The following GRIK2 variants were observed in gnomAD, a reference collection of about 807,000 sequenced individuals.
GRIK2 encodes the protein glutamate ionotropic receptor kainate type subunit 2, also known as glutamate receptor ionotropic, kainate 2.
In GRIK2, 32 loss-of-function variants were observed where a neutral mutation model predicts 100.3. The observed-to-expected ratio is 0.32, with a 90% CI of 0.24 to 0.43. The LOEUF is 0.43. Among genes scored for constraint, GRIK2 ranks in the 20% least tolerant of loss-of-function variants. GRIK2 has a pLI of 1.00. For missense variants in GRIK2, 843 were observed against 1,114.9 expected (o/e 0.76, Z 3.47); for synonymous variants, 417 against 389.4 (o/e 1.07, Z -0.83).
chr6:101,608,813 G>T (rs961413450), intron 2 of GRIK2, among the ~76,000 whole-genome samples: 4 of 110,580 alleles, frequency 3.6e-5, no homozygotes, highest in African/African-American at 9.7e-5. Context: ...GTGTGTGTGT[G>T]TATGTATGTA....
intron 7 of GRIK2, among the ~76,000 whole-genome samples, chr6:101,789,147 T>G (rs1038965395): frequency 7.9e-5 from 12 of 152,278 alleles, no homozygotes; most frequent in Middle Eastern, 3.4e-3. Context: ...TTTCTCCCAT[T>G]TTGTAGGTTG....
intron 12 of GRIK2, among the ~76,000 whole-genome samples, chr6:101,901,559 T>C (rs1367082122): frequency 2.0e-5 from 3 of 151,778 alleles, no homozygotes; most frequent in Admixed American, 6.6e-5. Context: ...CTTGGCTACA[T>C]TAAATAAACT....
chr6:102,024,989 T>C (rs1158518030), intron 14 of GRIK2, among the ~76,000 whole-genome samples: 2 of 150,610 alleles, frequency 1.3e-5, no homozygotes, highest in Non-Finnish European at 3.0e-5. Flanking sequence ...TTAATGGATA[T>C]ATAGACCATC....
At chr6:101,652,085 G>T (rs1239441815) in intron 4 of GRIK2, among the ~76,000 whole-genome samples, 2 of 152,144 alleles carry the variant, frequency 1.3e-5, no homozygotes, top group South Asian at 2.1e-4. Context: ...TGGCAATCTT[G>T]CCAAGAAAAG....
intron 11 of GRIK2, among the ~76,000 whole-genome samples, chr6:101,863,213 C>A (rs915021567): frequency 1.3e-5 from 2 of 152,148 alleles, no homozygotes; most frequent in African/African-American, 4.8e-5. Flanking sequence ...GTCAGATTTT[C>A]ATTTAATCAG....
chr6:101,564,596 T>G (rs942646378), intron 2 of GRIK2, among the ~76,000 whole-genome samples: 4 of 152,148 alleles, frequency 2.6e-5, no homozygotes, highest in African/African-American at 4.8e-5. Context: ...CTTGGAGAGT[T>G]GACCAAACTG....
chr6:101,757,673 A>G (rs1343321285), intron 7 of GRIK2, among the ~76,000 whole-genome samples: 1 of 152,176 alleles, frequency 6.6e-6, no homozygotes, highest in African/African-American at 2.4e-5. Context: ...GTAATTTCAC[A>G]AACTGAGTTA....
At chr6:101,627,484 C>G (rs1359655861) in intron 4 of GRIK2, among the ~76,000 whole-genome samples, 1 of 152,094 alleles carries the variant, frequency 6.6e-6, no homozygotes, top group Non-Finnish European at 1.5e-5. Flanking sequence ...GAAGTTTTTG[C>G]TAGGGTAGTT....
At chr6:101,472,554 C>A (rs1772001280) in intron 2 of GRIK2, among the ~76,000 whole-genome samples, 2 of 151,694 alleles carry the variant, frequency 1.3e-5, no homozygotes, top group African/African-American at 2.4e-5. Context: ...AGGAAAGCCT[C>A]CCCTCCCATG....
At chr6:101,653,708 C>T (rs1390676475) in intron 4 of GRIK2, among the ~76,000 whole-genome samples, 3 of 151,776 alleles carry the variant, frequency 2.0e-5, no homozygotes, top group African/African-American at 7.3e-5. Context: ...CTGAAATCTC[C>T]ACTTCCTAGG....
chr6:101,755,540 T>C (rs1462361688), intron 7 of GRIK2, among the ~76,000 whole-genome samples: 3 of 152,152 alleles, frequency 2.0e-5, no homozygotes, highest in Non-Finnish European at 4.4e-5. Context: ...GTCTAGACTC[T>C]AGAGAGTTTT....
chr6:102,045,775 T>C (rs1770855935), intron 15 of GRIK2, among the ~76,000 whole-genome samples: 1 of 152,020 alleles, frequency 6.6e-6, no homozygotes, highest in Non-Finnish European at 1.5e-5. Flanking sequence ...CTCCATATCA[T>C]ATGTCATAAA....
Position 102,043,820 on chromosome 6 carries a change from C to G in GRIK2, c.2311+8254C>G, listed in dbSNP as rs554589371. On this transcript the variant is annotated intron_variant, in intron 15 of 16. Coordinates refer to ENST00000369134, the MANE Select transcript of GRIK2 (RefSeq NM_021956.5). ...TTCCCATGATGGTTGCACTAATTCA[C>G]ATTCCCACCAACAGTATGCAAGGGT... is the stretch of plus-strand genomic sequence containing the variant. Among the ~76,000 whole-genome samples, 6 of 69,628 alleles carry G rather than the reference C, an allele frequency of 8.6e-5. No individual in the cohort carries two copies. The South Asian group carries it at 2.5e-3, about 29-fold the overall frequency. 45.7% of individuals were successfully genotyped at this position (69,628 alleles called of 152,430 possible). A position where few individuals can be genotyped will look rare whatever the true frequency, so the allele number is the denominator to read the frequency against.
At chr6:101,835,507 G>A (rs1488842067) in intron 10 of GRIK2, among the ~76,000 whole-genome samples, 2 of 113,414 alleles carry the variant, frequency 1.8e-5, no homozygotes. Flanking sequence ...ATCTCACTCT[G>A]TCGCCCAGGC....
intron 7 of GRIK2, among the ~76,000 whole-genome samples, chr6:101,782,921 A>G (rs1003957778): frequency 7.1e-6 from 1 of 140,992 alleles, no homozygotes; most frequent in Non-Finnish European, 1.5e-5. Context: ...CAGTGGTGCG[A>G]TCTCAGCTCA....
intron 7 of GRIK2, among the ~76,000 whole-genome samples, chr6:101,718,419 T>C (rs1774217691): frequency 6.6e-6 from 1 of 151,930 alleles, no homozygotes; most frequent in African/African-American, 2.4e-5. Context: ...GGTCAGACAT[T>C]CAGATCTTAA....
At chr6:101,807,213 T>C (rs1004966448) in intron 9 of GRIK2, among the ~76,000 whole-genome samples, 3 of 151,662 alleles carry the variant, frequency 2.0e-5, no homozygotes, top group African/African-American at 7.3e-5. Context: ...GATCAGTGGG[T>C]TGGGGTCATG....
chr6:101,429,287 G>C (rs950332056), intron 2 of GRIK2, among the ~76,000 whole-genome samples: 1 of 152,182 alleles, frequency 6.6e-6, no homozygotes, highest in African/African-American at 2.4e-5. Flanking sequence ...GCAGATGAAT[G>C]AGAGAATTTA....
intron 2 of GRIK2, among the ~76,000 whole-genome samples, chr6:101,475,409 G>C (rs1772176187): frequency 6.6e-6 from 1 of 151,948 alleles, no homozygotes; most frequent in Non-Finnish European, 1.5e-5. Context: ...GTATTGGAGA[G>C]GATGTAGTTT....
Sources: gnomAD v4.1 joint callset for allele counts (sites outside exome capture counted in the v4.1 genomes callset) on GRCh38, gnomAD v4.1.1 for gene constraint, MANE v1.5 for transcripts, NCBI Gene and HGNC (gene_info 2026-07-23, HGNC 2026-07-21) for gene names.